Variants in RHBDD1 observed in about 807,000 individuals in gnomAD.
RHBDD1 encodes the protein rhomboid domain containing 1, also known as rhomboid-related protein 4.
RHBDD1 carries 38 observed loss-of-function variants against 36.3 expected under a neutral mutation model. That is an observed-to-expected ratio of 1.05 (90% CI 0.81 to 1.37). The LOEUF is 1.37. Among genes scored for constraint, RHBDD1 ranks in the 40% most tolerant of loss-of-function variants. The pLI is 0.00. For synonymous variants in RHBDD1, 151 were observed against 136.5 expected (o/e 1.11, Z -0.74); for missense variants, 393 against 377.6 (o/e 1.04, Z -0.34).
chr2:226,936,932 C>T (rs935374934), intron 8 of RHBDD1, among the ~76,000 whole-genome samples: 1 of 152,100 alleles, frequency 6.6e-6, no homozygotes, highest in African/African-American at 2.4e-5. Context: ...TAACTTTTGA[C>T]TTCAAGTGAG....
intron 8 of RHBDD1, among the ~76,000 whole-genome samples, chr2:226,938,084 C>T (rs1219828771): frequency 6.6e-6 from 1 of 152,118 alleles, no homozygotes; most frequent in African/African-American, 2.4e-5. Context: ...TCCTTTTTCT[C>T]CACAATCTCG....
intron 8 of RHBDD1, among the ~76,000 whole-genome samples, chr2:226,945,031 T>C (rs1179860381): frequency 6.6e-6 from 1 of 151,912 alleles, no homozygotes; most frequent in Non-Finnish European, 1.5e-5. Context: ...GTGGGGAGGA[T>C]TGCAATTTAT....
At chr2:226,819,978 T>G in the RHBDD1 span, among the ~76,000 whole-genome samples, 1 of 2,876 alleles carries the variant, frequency 3.5e-4, no homozygotes, top group Non-Finnish European at 8.4e-4. Flanking sequence ...ATTGTGTGTG[T>G]TTTTTTTTTT....
chr2:226,899,210 G>C lies in RHBDD1; in HGVS notation c.567-7583G>C, dbSNP rs538040924. Among the ~76,000 whole-genome samples, 3 of 152,270 alleles carry C rather than the reference G, an allele frequency of 2.0e-5. No individual in the cohort carries two copies. In the East Asian group the frequency reaches 5.8e-4, roughly 29 times the overall value. On this transcript the variant is annotated intron_variant, in intron 5 of 8. Coordinates refer to ENST00000392062, the MANE Select transcript of RHBDD1 (RefSeq NM_001167608.3). Reference sequence around the variant, plus strand: ...AATGGATGAGGAGCAGCTTAAGCTGGCTTGATGGGAAAGAACACTGTCTGT... The same window carrying C: ...AATGGATGAGGAGCAGCTTAAGCTGCCTTGATGGGAAAGAACACTGTCTGT...
chr2:226,895,884 C>CT, intron 5 of RHBDD1: 1 of 878,766 alleles, frequency 1.1e-6, no homozygotes, highest in South Asian at 5.2e-5. Flanking sequence ...TGCTCGGTGT[C>CT]TTTTCCCTTT....
chr2:226,820,330 T>C, the RHBDD1 span, among the ~76,000 whole-genome samples: 3 of 152,086 alleles, frequency 2.0e-5, no homozygotes, highest in African/African-American at 7.2e-5. Context: ...AACCCTTTTT[T>C]TGGCTTTTCT....
At chr2:226,977,801 T>C (rs534988741) in intron 8 of RHBDD1, among the ~76,000 whole-genome samples, 1 of 152,362 alleles carries the variant, frequency 6.6e-6, no homozygotes, top group African/African-American at 2.4e-5. Context: ...AATTGGCCTA[T>C]TGTTCTAAGT....
intron 5 of RHBDD1, among the ~76,000 whole-genome samples, chr2:226,882,355 G>C (rs545367740): frequency 6.7e-6 from 1 of 148,316 alleles, no homozygotes; most frequent in East Asian, 2.1e-4. Context: ...GCTTGAACCC[G>C]GTAGGTGGAG....
the RHBDD1 span, among the ~76,000 whole-genome samples, chr2:226,828,331 C>G: frequency 6.6e-6 from 1 of 152,076 alleles, no homozygotes; most frequent in Non-Finnish European, 1.5e-5. Context: ...AACAGTTGAG[C>G]ATTTGGATTG....
At chr2:226,914,986 G>C (rs1948797330) in intron 8 of RHBDD1, among the ~76,000 whole-genome samples, 1 of 152,100 alleles carries the variant, frequency 6.6e-6, no homozygotes, top group Admixed American at 6.5e-5. Context: ...TTCATTTAAA[G>C]GGCATTTGTT....
rs139323949 is a variant in RHBDD1, at chr2:226,838,077, C to T, written c.-387C>T. The T allele has an allele frequency of 4.3e-4, 66 of 152,202 alleles. No homozygotes were observed. Among genetic ancestry groups the T allele is most frequent in the African/African-American group, 1.5e-3 (62 of 41,508 alleles). 9.4% of individuals were successfully genotyped at this position (152,202 alleles called of 1,614,324 possible). On this transcript the variant is annotated 5_prime_UTR_variant, in exon 2 of 9. Transcript: ENST00000392062. ...TTACAACTTTATCTCTTTCAGGGGT[C>T]CATTGTAGGGGGAGAAAGAAATATT...
Position 226,960,030 on chromosome 2 carries a change from A to G in RHBDD1, c.857-35401A>G, listed in dbSNP as rs115932434. 3.7e-3 allele frequency among the ~76,000 whole-genome samples: 558 copies of G among 152,246 alleles called. 3 individuals are homozygous for G. The highest frequency in any genetic ancestry group is 0.012 in the African/African-American group (518 of 41,562). On this transcript the variant is annotated intron_variant, in intron 8 of 8. Transcript: ENST00000392062. The stretch of plus-strand genomic sequence containing the variant: ...AGTAGACATGGGGTTTTACCGTATT[A>G]GCCAGAATGGTCTCAAACTCCTGAC...
At position 226,839,500 on chromosome 2, in the gene RHBDD1, G is replaced by A. The variant is rs2124939593; in HGVS notation, c.-218G>A. ...TGAAGGGCACAGGCTCTTGGTCCTT[G>A]GCAGCGATATTAGGAGGCGTGCCTA... On this transcript the variant is annotated 5_prime_UTR_variant, in exon 3 of 9. Transcript: ENST00000392062. 6.6e-6 allele frequency: 1 copy of A among 152,224 alleles called. No homozygotes were observed. Among genetic ancestry groups the A allele is most frequent in the Non-Finnish European group, 1.5e-5 (1 of 67,998 alleles). 9.4% of individuals were successfully genotyped at this position (152,224 alleles called of 1,614,324 possible).
Position 226,864,909 on chromosome 2 carries a change from C to G in RHBDD1, c.216C>G (p.Pro72=). ...ACTGGCAGCGTTTACTGCTCTCTCCCCTTCACCATGCTGATGATTGGCATT... is the reference window on the plus strand; with the variant it reads ...ACTGGCAGCGTTTACTGCTCTCTCCGCTTCACCATGCTGATGATTGGCATT... ...QKDWQRLLLS[P]LHHADDWHLY... Residue 72 remains proline (P), a synonymous_variant, in exon 4 of 9, where the codon CCC becomes CCG. Coordinates refer to ENST00000392062, the MANE Select transcript of RHBDD1 (RefSeq NM_001167608.3). 1 of 1,614,196 alleles carries G rather than the reference C, an allele frequency of 6.2e-7. No individual in the cohort carries two copies. Among genetic ancestry groups the G allele is most frequent in the East Asian group, 2.2e-5 (1 of 44,884 alleles).
At chr2:226,912,048 G>A (rs904639410) in intron 7 of RHBDD1, among the ~76,000 whole-genome samples, 2 of 152,092 alleles carry the variant, frequency 1.3e-5, no homozygotes, top group African/African-American at 4.8e-5. Flanking sequence ...CAATCACTGA[G>A]AATGGACAAA....
the RHBDD1 span, among the ~76,000 whole-genome samples, chr2:226,829,329 T>G: frequency 6.6e-6 from 1 of 152,348 alleles, no homozygotes; most frequent in Admixed American, 6.5e-5. Flanking sequence ...ATTCTTCTTT[T>G]TCAAAACTGT....
At chr2:226,877,642 G>A (rs904561349) in intron 5 of RHBDD1, among the ~76,000 whole-genome samples, 8 of 150,638 alleles carry the variant, frequency 5.3e-5, no homozygotes, top group South Asian at 2.1e-4. Context: ...TGAAAACAAC[G>A]GCTCATTCAT....
chr2:226,875,274 T>C (rs1179177220), intron 5 of RHBDD1, among the ~76,000 whole-genome samples: 1 of 152,228 alleles, frequency 6.6e-6, no homozygotes, highest in Non-Finnish European at 1.5e-5. Flanking sequence ...GATTGCTTTA[T>C]GAACTGTCTC....
chr2:226,875,772 T>C (rs1945185050), intron 5 of RHBDD1, among the ~76,000 whole-genome samples: 1 of 152,176 alleles, frequency 6.6e-6, no homozygotes, highest in African/African-American at 2.4e-5. Context: ...TATCCATAAA[T>C]GCTGGGAGAT....
Sources: allele counts gnomAD v4.1 joint callset (sites outside exome capture counted in the v4.1 genomes callset), GRCh38; gene constraint gnomAD v4.1.1; transcripts MANE v1.5; gene names NCBI Gene and HGNC (gene_info 2026-07-23, HGNC 2026-07-21).